Variants in SOHLH2 observed in about 807,000 individuals in gnomAD.
The protein encoded by SOHLH2 is spermatogenesis- and oogenesis-specific basic helix-loop-helix-containing protein 2.
SOHLH2 carries 22 observed loss-of-function variants against 50.4 expected under a neutral mutation model. That is an observed-to-expected ratio of 0.44 (90% CI 0.31 to 0.62). SOHLH2 has a LOEUF of 0.62. SOHLH2 is among the 20% of genes least tolerant of loss of function. SOHLH2 has a pLI of 0.08. For missense variants in SOHLH2, 412 were observed against 504.4 expected, an observed-to-expected ratio of 0.82 and a Z score of 1.76; for synonymous variants, 185 against 187.3, an observed-to-expected ratio of 0.99 and a Z score of 0.10.
At chr13:36,183,459 TAA>T (rs1051916547) in intron 6 of SOHLH2, among the ~76,000 whole-genome samples, 2 of 151,886 alleles carry the variant, frequency 1.3e-5, no homozygotes, top group Non-Finnish European at 2.9e-5. Context: ...TAGTTACAGC[TAA>T]AAAGTCAATG....
At chr13:36,201,788 T>C in intron 2 of SOHLH2, 91 bp downstream of exon 2, 1 of 1,514,672 alleles carries the variant, frequency 6.6e-7, no homozygotes, top group South Asian at 1.3e-5. Flanking sequence ...AAAAGTAAAA[T>C]AGAAATATAT....
rs889251744 is a variant in SOHLH2 at position 36,168,671 on chromosome 13, C to A, written c.*363G>T. Reference sequence around the variant, plus strand: ...GACACAAGGTATCAACACACCTTCCCAATCTAATCATTTTATCGTGTCTAC... The same window carrying A: ...GACACAAGGTATCAACACACCTTCCAAATCTAATCATTTTATCGTGTCTAC... On this transcript the variant is annotated 3_prime_UTR_variant, in exon 11 of 11. Transcript: ENST00000379881. 1 of 269,158 alleles carries A rather than the reference C, an allele frequency of 3.7e-6. No homozygotes were observed. The highest frequency in any genetic ancestry group is 6.9e-6 in the Non-Finnish European group (1 of 144,558). 16.7% of individuals were successfully genotyped at this position (269,158 alleles called of 1,614,324 possible).
chr13:36,209,698 T>C (rs1378578194), intron 1 of SOHLH2, among the ~76,000 whole-genome samples: 1 of 152,204 alleles, frequency 6.6e-6, no homozygotes, highest in East Asian at 1.9e-4. Flanking sequence ...GCACAAACAT[T>C]CAGACTACAG....
In SOHLH2 at chr13:36,211,445, C is replaced by G. The variant is rs568212405; in HGVS notation, c.48+3034G>C. Among the ~76,000 whole-genome samples the G allele has an allele frequency of 2.6e-5, 4 of 152,340 alleles. No individual in the cohort carries two copies. In the East Asian group the frequency reaches 7.7e-4, roughly 29 times the overall value. On this transcript the variant is annotated intron_variant, in intron 1 of 10. Transcript: ENST00000379881. ...GCGCTAGGAGCACAAGGTGAACAAA[C>G]AAGACAAGGTCCTTGCCCTCATGGG...
intron 1 of SOHLH2, among the ~76,000 whole-genome samples, chr13:36,202,780 T>C (rs186837637): frequency 2.6e-5 from 4 of 152,256 alleles, no homozygotes; most frequent in African/African-American, 4.8e-5. Flanking sequence ...TAGAAGACAA[T>C]TGGAAATGCC....
intron 1 of SOHLH2, among the ~76,000 whole-genome samples, chr13:36,210,165 C>T (rs1869026100): frequency 6.6e-6 from 1 of 152,154 alleles, no homozygotes; most frequent in Admixed American, 6.5e-5. Context: ...GGCACCATTG[C>T]TCCTGCTTTA....
chr13:36,210,559 CTTA>C (rs1357129956), intron 1 of SOHLH2, among the ~76,000 whole-genome samples: 3 of 151,960 alleles, frequency 2.0e-5, no homozygotes, highest in African/African-American at 7.3e-5. Context: ...TACCTGCCTT[CTTA>C]TTTTTCCATG....
At chr13:36,202,696 G>A (rs1868498770) in intron 1 of SOHLH2, among the ~76,000 whole-genome samples, 1 of 152,204 alleles carries the variant, frequency 6.6e-6, no homozygotes, top group Non-Finnish European at 1.5e-5. Context: ...ATTTCTGTAT[G>A]TTTTATTCTC....
At chr13:36,171,815 T>G (rs1334791316) in intron 9 of SOHLH2, among the ~76,000 whole-genome samples, 1 of 152,130 alleles carries the variant, frequency 6.6e-6, no homozygotes, top group Non-Finnish European at 1.5e-5. Context: ...TTAAAACTAT[T>G]AAAATGGTGA....
At chr13:36,207,198 TTAATG>T (rs752565607) in intron 1 of SOHLH2, among the ~76,000 whole-genome samples, 17 of 152,252 alleles carry the variant, frequency 1.1e-4, no homozygotes, top group South Asian at 6.2e-4. Flanking sequence ...ATTAACTTCA[TTAATG>T]TAATGTAATG....
chr13:36,210,440 A>ATT (rs377451409), intron 1 of SOHLH2, among the ~76,000 whole-genome samples: 2 of 147,270 alleles, frequency 1.4e-5, no homozygotes, highest in African/African-American at 5.0e-5. Context: ...TTTACTGTGT[A>ATT]TTTTTTTTTT....
rs370962920 is a variant in SOHLH2 at position 36,184,554 on chromosome 13, G to A, written c.641+5392C>T. On this transcript the variant is annotated intron_variant, in intron 6 of 10. Transcript: ENST00000379881. Reference sequence around the variant, plus strand: ...GGCTCACTGCAAGCTCCGCCTCCCGGGTTCACGCCATTCTCCTTCCTCAGC... The same window carrying A: ...GGCTCACTGCAAGCTCCGCCTCCCGAGTTCACGCCATTCTCCTTCCTCAGC... Among the ~76,000 whole-genome samples, 49 of 149,752 alleles carry A rather than the reference G, an allele frequency of 3.3e-4. 1 individual carries two copies. In the Admixed American group the frequency reaches 3.3e-3, roughly 10 times the overall value.
chr13:36,172,801 A>G (rs1399401390), intron 9 of SOHLH2, among the ~76,000 whole-genome samples: 1 of 152,188 alleles, frequency 6.6e-6, no homozygotes, highest in Non-Finnish European at 1.5e-5. Context: ...GTGAGAGCAG[A>G]GCCTGTTGGA....
intron 2 of SOHLH2, among the ~76,000 whole-genome samples, chr13:36,200,169 T>C (rs1406798059): frequency 6.6e-6 from 1 of 152,236 alleles, no homozygotes; most frequent in Non-Finnish European, 1.5e-5. Context: ...CTCATGTAGC[T>C]GCTGTAAAAA....
intron 6 of SOHLH2, among the ~76,000 whole-genome samples, chr13:36,176,825 A>G (rs910691621): frequency 6.6e-6 from 1 of 152,116 alleles, no homozygotes; most frequent in African/African-American, 2.4e-5. Context: ...ACATATTTAC[A>G]TATATTAAAG....
chr13:36,204,429 A>C (rs1359461085), intron 1 of SOHLH2, among the ~76,000 whole-genome samples: 1 of 152,126 alleles, frequency 6.6e-6, no homozygotes, highest in African/African-American at 2.4e-5. Context: ...TTTTGCATTT[A>C]GCTTTTTATC....
chr13:36,184,737 C>T lies in SOHLH2; in HGVS notation c.641+5209G>A, dbSNP rs1331380704. Among the ~76,000 whole-genome samples, 6 of 152,126 alleles carry T rather than the reference C, an allele frequency of 3.9e-5. No individual in the cohort carries two copies. In the East Asian group the frequency reaches 9.7e-4, roughly 24 times the overall value. On this transcript the variant is annotated intron_variant, in intron 6 of 10. Transcript: ENST00000379881. Reference sequence around the variant, plus strand: ...CCTCCCAAAGTGCTGGGATTACAGGCGTGAGCCACTGCACCCGCTCTACTT... The same window carrying T: ...CCTCCCAAAGTGCTGGGATTACAGGTGTGAGCCACTGCACCCGCTCTACTT...
rs1886890488 is a variant in SOHLH2, at chr13:36,168,958, T to A, written c.*76A>T. The stretch of plus-strand genomic sequence containing the variant: ...CTTTGGGTGGAGCTTTCAAAATCAT[T>A]CTTTGTTCCACTTTTCCTAGATTGT... On this transcript the variant is annotated 3_prime_UTR_variant, in exon 11 of 11. Transcript: ENST00000379881. The A allele has an allele frequency of 6.4e-7, 1 of 1,560,818 alleles. No individual in the cohort carries two copies. Among genetic ancestry groups the A allele is most frequent in the South Asian group, 1.2e-5 (1 of 81,754 alleles).
chr13:36,170,517 C>A lies in SOHLH2; in HGVS notation c.1257+14G>T, dbSNP rs1490773977. 1.2e-6 allele frequency: 2 copies of A among 1,611,090 alleles called. No homozygotes were observed. Among genetic ancestry groups the A allele is most frequent in the African/African-American group, 1.3e-5 (1 of 74,846 alleles). ...AAAGGGTCCAATCTGATCCATGGAC[C>A]CCTGGAAACTTACCAGACAGTTGGG... On this transcript the variant is annotated intron_variant, in intron 10 of 10. Coordinates refer to ENST00000379881, the MANE Select transcript of SOHLH2 (RefSeq NM_017826.3).
Sources: allele counts gnomAD v4.1 joint callset (sites outside exome capture counted in the v4.1 genomes callset), GRCh38; gene constraint gnomAD v4.1.1; transcripts MANE v1.5; gene names NCBI Gene and HGNC (gene_info 2026-07-23, HGNC 2026-07-21).